The following HIPK2 variants were observed in gnomAD, a reference collection of about 807,000 sequenced individuals.
HIPK2 encodes homeodomain interacting protein kinase 2.
Under a neutral mutation model 113.7 loss-of-function variants are expected in HIPK2, and 27 were observed. The ratio of observed to expected loss-of-function variants is 0.24; its 90% confidence interval spans 0.17 to 0.33. The LOEUF is 0.33. Ranked by LOEUF, HIPK2 falls within the 10% of genes least tolerant of loss-of-function variation. HIPK2 has a pLI of 1.00. For synonymous variants in HIPK2, 631 were observed against 642.2 expected (o/e 0.98, Z 0.26); for missense variants, 1,257 against 1,588.0 (o/e 0.79, Z 3.54).
chr7:139,721,933 G>A, intron 1 of HIPK2: 1 of 287,078 alleles, frequency 3.5e-6, no homozygotes, highest in Non-Finnish European at 7.4e-6. Context: ...TGTCAAAATG[G>A]CCACATTTTC....
intron 1 of HIPK2, among the ~76,000 whole-genome samples, chr7:139,750,875 T>C (rs1188362111): frequency 2.0e-5 from 3 of 152,208 alleles, no homozygotes; most frequent in African/African-American, 7.2e-5. Context: ...GCACCTTCCT[T>C]CTCTGACAGC....
chr7:139,652,222 G>A (rs1210876477), intron 2 of HIPK2, among the ~76,000 whole-genome samples: 1 of 152,186 alleles, frequency 6.6e-6, no homozygotes, highest in East Asian at 1.9e-4. Flanking sequence ...TCATGTTCTT[G>A]AGAATATCCT....
At chr7:139,617,725 TGATCATTTG>T (rs1800106607) in intron 7 of HIPK2, among the ~76,000 whole-genome samples, 1 of 152,266 alleles carries the variant, frequency 6.6e-6, no homozygotes, top group Non-Finnish European at 1.5e-5. Context: ...TGTAGATTCA[TGATCATTTG>T]GGAAATGGTT....
intron 2 of HIPK2, among the ~76,000 whole-genome samples, chr7:139,698,348 C>T (rs1794619614): frequency 6.6e-6 from 1 of 152,188 alleles, no homozygotes; most frequent in Non-Finnish European, 1.5e-5. Context: ...TTTGCATATA[C>T]GTTCATCCAC....
intron 2 of HIPK2, among the ~76,000 whole-genome samples, chr7:139,706,944 C>T (rs1349576318): frequency 5.3e-5 from 8 of 152,196 alleles, no homozygotes; most frequent in Admixed American, 5.2e-4. Context: ...TTCAGAGCCA[C>T]CTCTGACCCT....
rs963087273 is a variant in HIPK2, at chr7:139,704,552, C to T, written c.1103+11380G>A. Among the ~76,000 whole-genome samples, 28 of 151,856 alleles carry T rather than the reference C, an allele frequency of 1.8e-4. No individual in the cohort carries two copies. The South Asian group carries it at 4.8e-3, about 26-fold the overall frequency. ...CCCCCACACCCCATACACACAGCAA[C>T]ATATACATACCCCATGTGAACACAT... On this transcript the variant is annotated intron_variant, in intron 2 of 14. Transcript: ENST00000406875.
At chr7:139,672,404 TA>T (rs1352707133) in intron 2 of HIPK2, among the ~76,000 whole-genome samples, 1 of 151,714 alleles carries the variant, frequency 6.6e-6, no homozygotes, top group Admixed American at 6.6e-5. Context: ...TAACTATTTG[TA>T]AAAAAAATGG....
At chr7:139,674,943 T>C (rs1320126445) in intron 2 of HIPK2, among the ~76,000 whole-genome samples, 3 of 152,318 alleles carry the variant, frequency 2.0e-5, no homozygotes, top group Non-Finnish European at 4.4e-5. Context: ...TCTCCGGACC[T>C]GTCCTGGAAG....
chr7:139,769,819 A>C (rs1796617070), intron 1 of HIPK2, among the ~76,000 whole-genome samples: 1 of 152,204 alleles, frequency 6.6e-6, no homozygotes, highest in South Asian at 2.1e-4. Context: ...TTAACCACTG[A>C]CTAGTGGAAG....
intron 1 of HIPK2, among the ~76,000 whole-genome samples, chr7:139,755,878 C>A (rs1796353788): frequency 6.6e-6 from 1 of 152,260 alleles, no homozygotes; most frequent in Admixed American, 6.5e-5. Context: ...TATTATCCAT[C>A]TGCCCTTCAG....
intron 2 of HIPK2, among the ~76,000 whole-genome samples, chr7:139,639,816 C>T (rs1800944312): frequency 6.6e-6 from 1 of 152,222 alleles, no homozygotes; most frequent in South Asian, 2.1e-4. Flanking sequence ...GCCAGTTTTC[C>T]CTGGAGCTGG....
chr7:139,661,237 C>A (rs928030191), intron 2 of HIPK2, among the ~76,000 whole-genome samples: 6 of 152,194 alleles, frequency 3.9e-5, no homozygotes, highest in African/African-American at 1.4e-4. Context: ...ACTTAACACA[C>A]TAGAAACCCT....
intron 1 of HIPK2, among the ~76,000 whole-genome samples, chr7:139,720,426 T>C (rs4132077): frequency 0.36 from 54,004 of 152,088 alleles, 13,257 homozygotes; most frequent in African/African-American, 0.69. Context: ...CCGACCTCCA[T>C]CTACGCACTG....
chr7:139,590,412 T>C lies in HIPK2; in HGVS notation c.2717+6305A>G, dbSNP rs190957748. Among the ~76,000 whole-genome samples, 10 of 152,174 alleles carry C rather than the reference T, an allele frequency of 6.6e-5. 1 individual carries two copies. The highest frequency in any genetic ancestry group is 5.9e-4 in the Admixed American group (9 of 15,278). ...GAAAGCACTGGCAGAAGATCAGATATAACCTGTGACCCCTTCCCTGTAGGG... is the reference window on the plus strand; with the variant it reads ...GAAAGCACTGGCAGAAGATCAGATACAACCTGTGACCCCTTCCCTGTAGGG... On this transcript the variant is annotated intron_variant, in intron 12 of 14. Transcript: ENST00000406875.
chr7:139,647,223 G>A (rs994232402), intron 2 of HIPK2, among the ~76,000 whole-genome samples: 3 of 151,564 alleles, frequency 2.0e-5, no homozygotes, highest in Admixed American at 6.6e-5. Flanking sequence ...ACACCTCACA[G>A]CACCCAGCGT....
At chr7:139,589,571 G>C (rs1798947951) in intron 12 of HIPK2, among the ~76,000 whole-genome samples, 1 of 152,148 alleles carries the variant, frequency 6.6e-6, no homozygotes, top group African/African-American at 2.4e-5. Flanking sequence ...CTAACAACTA[G>C]AACTATCTCA....
At chr7:139,670,747 CTTTCTTTCTTTCTT>C (rs1802241824) in intron 2 of HIPK2, among the ~76,000 whole-genome samples, 1 of 74,798 alleles carries the variant, frequency 1.3e-5, no homozygotes, top group Admixed American at 1.6e-4. Flanking sequence ...TTCTTTCTTT[CTTTCTTTCTTTCTT>C]TTTTTTTTTT....
At chr7:139,599,661 A>G (rs1799349981) in intron 11 of HIPK2, among the ~76,000 whole-genome samples, 1 of 152,250 alleles carries the variant, frequency 6.6e-6, no homozygotes, top group Non-Finnish European at 1.5e-5. Context: ...AGATACAAAG[A>G]AAGCACATTT....
chr7:139,655,107 T>C (rs892716453), intron 2 of HIPK2, among the ~76,000 whole-genome samples: 2 of 152,126 alleles, frequency 1.3e-5, no homozygotes, highest in Admixed American at 1.3e-4. Context: ...AAAGTGTCCC[T>C]AGGAATTAGG....
Sources: gnomAD v4.1 joint callset for allele counts (sites outside exome capture counted in the v4.1 genomes callset) on GRCh38, gnomAD v4.1.1 for gene constraint, MANE v1.5 for transcripts, NCBI Gene and HGNC (gene_info 2026-07-23, HGNC 2026-07-21) for gene names.